Variants in KLHL29 observed in about 807,000 individuals in gnomAD.
KLHL29 encodes kelch like family member 29.
A neutral mutation model predicts 80.4 loss-of-function variants in KLHL29; 21 were observed. The observed-to-expected ratio is 0.26, with a 90% CI of 0.19 to 0.38. KLHL29 has a LOEUF of 0.38. Ranked by LOEUF, KLHL29 falls within the 10% of genes least tolerant of loss-of-function variation. The probability of loss-of-function intolerance (pLI) is 1.00; values close to 1 mark genes in which losing one functional copy is unlikely to be tolerated. For missense variants in KLHL29, 867 were observed against 1,223.9 expected, an observed-to-expected ratio of 0.71 and a Z score of 4.35; for synonymous variants, 511 against 526.8, an observed-to-expected ratio of 0.97 and a Z score of 0.41.
At chr2:23,536,436 G>T (rs1364668320) in intron 2 of KLHL29, among the ~76,000 whole-genome samples, 1 of 152,174 alleles carries the variant, frequency 6.6e-6, no homozygotes, top group African/African-American at 2.4e-5. Context: ...TCGCAGCAGG[G>T]GGCTGGTGCC....
intron 1 of KLHL29, among the ~76,000 whole-genome samples, chr2:23,433,440 C>T (rs1238612863): frequency 2.6e-5 from 4 of 152,100 alleles, no homozygotes; most frequent in Admixed American, 1.3e-4. Context: ...AGGGAGTGGC[C>T]GCGGAGGCCA....
intron 2 of KLHL29, among the ~76,000 whole-genome samples, chr2:23,510,117 G>A (rs1413386904): frequency 1.3e-5 from 2 of 152,134 alleles, no homozygotes; most frequent in Non-Finnish European, 2.9e-5. Context: ...GTGGAGCTGA[G>A]AGCATCCTAA....
chr2:23,520,818 C>T (rs1385793549), intron 2 of KLHL29, among the ~76,000 whole-genome samples: 2 of 152,178 alleles, frequency 1.3e-5, no homozygotes, highest in Non-Finnish European at 2.9e-5. Flanking sequence ...CCACAGTCAT[C>T]GTAATGAGAT....
chr2:23,547,924 G>T (rs1667018404), intron 2 of KLHL29, among the ~76,000 whole-genome samples: 1 of 152,118 alleles, frequency 6.6e-6, no homozygotes, highest in African/African-American at 2.4e-5. Context: ...ACAGAGTAAG[G>T]CCACCAGCAA....
At position 23,707,023 on chromosome 2, in the gene KLHL29, T is replaced by C. The variant is rs571340208; in HGVS notation, c.*359T>C. On this transcript the variant is annotated 3_prime_UTR_variant, in exon 14 of 14. Coordinates refer to ENST00000486442, the MANE Select transcript of KLHL29 (RefSeq NM_052920.2). ...AGCTTGATCCCTAAACAACCATAGA[T>C]CAGTTATCTTATGACAACATTAGGC... is the stretch of plus-strand genomic sequence containing the variant. The C allele has an allele frequency of 2.1e-4, 36 of 174,400 alleles. No individual in the cohort carries two copies. Among genetic ancestry groups the C allele is most frequent in the African/African-American group, 6.4e-4 (27 of 42,396 alleles). 10.8% of individuals were successfully genotyped at this position (174,400 alleles called of 1,614,324 possible).
At chr2:23,484,976 A>C (rs1287411242) in intron 2 of KLHL29, among the ~76,000 whole-genome samples, 1 of 151,984 alleles carries the variant, frequency 6.6e-6, no homozygotes, top group African/African-American at 2.4e-5. Context: ...CCCCGAGGGA[A>C]TTCTCTCTCC....
chr2:23,562,289 C>T lies in KLHL29; in HGVS notation c.93C>T (p.Ser31=). The T allele has an allele frequency of 3.2e-6, 5 of 1,547,744 alleles. No homozygotes were observed. The highest frequency in any genetic ancestry group is 4.4e-6 in the Non-Finnish European group (5 of 1,145,046). ...WSVNGTHGTT[S]ICSVTSGAGG... ...TCAACGGGACGCATGGGACCACCAGCATCTGCAGTGTCACCTCGGGGGCCG... is the reference window on the plus strand; with the variant it reads ...TCAACGGGACGCATGGGACCACCAGTATCTGCAGTGTCACCTCGGGGGCCG... The change falls in exon 3 of 14, where the codon AGC becomes AGT. Residue 31 remains serine, a synonymous_variant. Transcript: ENST00000486442. This position sits in a 1 kb window ranked among gnomAD's most constrained non-coding sequence, Gnocchi z 4.5.
At chr2:23,573,186 T>C (rs943488071) in intron 3 of KLHL29, among the ~76,000 whole-genome samples, 5 of 152,224 alleles carry the variant, frequency 3.3e-5, no homozygotes, top group African/African-American at 1.2e-4. Flanking sequence ...GCATTTGCAG[T>C]CACAGTATCA....
Position 23,682,147 on chromosome 2 carries a change from G to A in KLHL29, c.941-2252G>A, listed in dbSNP as rs148009427. Among the ~76,000 whole-genome samples, 98 of 152,172 alleles carry A rather than the reference G, an allele frequency of 6.4e-4. No individual in the cohort carries two copies. Among genetic ancestry groups the A allele is most frequent in the South Asian group, 3.3e-3 (16 of 4,814 alleles). ...ACTTCCTTCCTGCACTGAGCCCCACGGGGTCCACACGCTCCTGTTTCTCTG... is the reference window on the plus strand; with the variant it reads ...ACTTCCTTCCTGCACTGAGCCCCACAGGGTCCACACGCTCCTGTTTCTCTG... On this transcript the variant is annotated intron_variant, in intron 5 of 13. Transcript: ENST00000486442. The surrounding 1 kb of genome is among the most constrained non-coding windows in gnomAD (Gnocchi z 4.1).
chr2:23,571,495 G>A (rs954772841), intron 3 of KLHL29, among the ~76,000 whole-genome samples: 6 of 152,278 alleles, frequency 3.9e-5, no homozygotes, highest in Middle Eastern at 3.4e-3. Context: ...AGCCCCTGCC[G>A]AGAATATGAT....
At chr2:23,579,019 C>T (rs867196007) in intron 3 of KLHL29, among the ~76,000 whole-genome samples, 6 of 152,274 alleles carry the variant, frequency 3.9e-5, no homozygotes, top group Middle Eastern at 3.4e-3. Context: ...GCCCAGAACC[C>T]GTGCCCCCGC....
chr2:23,432,849 G>A (rs1274905287), intron 1 of KLHL29, among the ~76,000 whole-genome samples: 1 of 152,190 alleles, frequency 6.6e-6, no homozygotes, highest in African/African-American at 2.4e-5. Context: ...GGTCACTCAG[G>A]TTTCCATTGG....
intron 3 of KLHL29, among the ~76,000 whole-genome samples, chr2:23,567,458 T>A (rs1667614899): frequency 6.6e-6 from 1 of 152,242 alleles, no homozygotes; most frequent in Non-Finnish European, 1.5e-5. Context: ...ATCTGCAGGC[T>A]TCATCGTCAA....
At chr2:23,591,713 C>T (rs1668265354) in intron 3 of KLHL29, among the ~76,000 whole-genome samples, 1 of 152,166 alleles carries the variant, frequency 6.6e-6, no homozygotes. Flanking sequence ...AGCACTCCAT[C>T]CTGTCCCTCC....
intron 2 of KLHL29, among the ~76,000 whole-genome samples, chr2:23,545,973 A>AG (rs1449739004): frequency 6.6e-6 from 1 of 152,218 alleles, no homozygotes; most frequent in Non-Finnish European, 1.5e-5. Context: ...GTGCCGCTGC[A>AG]GGGCCAGCCC....
chr2:23,654,636 A>C (rs1670184250), intron 5 of KLHL29, among the ~76,000 whole-genome samples: 1 of 113,304 alleles, frequency 8.8e-6, no homozygotes, highest in Non-Finnish European at 1.8e-5. Context: ...GTGCCATTCC[A>C]GGGAAGCCGG....
intron 3 of KLHL29, among the ~76,000 whole-genome samples, chr2:23,619,662 T>TC (rs1669119026): frequency 6.6e-6 from 1 of 152,092 alleles, no homozygotes; most frequent in African/African-American, 2.4e-5. Flanking sequence ...GTGTCAGGAC[T>TC]CCCCTATTAA....
intron 1 of KLHL29, among the ~76,000 whole-genome samples, chr2:23,453,286 G>A (rs150098871): frequency 2.0e-5 from 3 of 152,280 alleles, no homozygotes; most frequent in Non-Finnish European, 4.4e-5. Flanking sequence ...CACGTCACAG[G>A]AGCTGTGTCT....
intron 3 of KLHL29, among the ~76,000 whole-genome samples, chr2:23,611,978 G>T (rs80126962): frequency 1.5e-4 from 23 of 151,956 alleles, no homozygotes; most frequent in Non-Finnish European, 1.9e-4. Flanking sequence ...AAAAAAAGGC[G>T]GGGAGGTGGG....
Sources: allele counts gnomAD v4.1 joint callset (sites outside exome capture counted in the v4.1 genomes callset), GRCh38; gene constraint gnomAD v4.1.1; non-coding constraint Gnocchi (gnomAD v3.1); transcripts MANE v1.5; gene names NCBI Gene and HGNC (gene_info 2026-07-23, HGNC 2026-07-21).